Variants in RTL4 observed in about 807,000 individuals in gnomAD.
RTL4 encodes retrotransposon Gag-like protein 4.
A neutral mutation model predicts 5.3 loss-of-function variants in RTL4; 4 were observed. The observed-to-expected ratio is 0.75, with a 90% CI of 0.37 to 1.72. The LOEUF (loss-of-function observed/expected upper bound fraction) is 1.72, where lower values mean the gene tolerates loss of function less well. Ranked by LOEUF, RTL4 falls within the 40% of genes most tolerant of loss-of-function variation. The probability of loss-of-function intolerance (pLI) is 0.04; values close to 1 mark genes in which losing one functional copy is unlikely to be tolerated. For synonymous variants in RTL4, 98 were observed against 87.3 expected, an observed-to-expected ratio of 1.12 and a Z score of -0.68; for missense variants, 260 against 227.1, an observed-to-expected ratio of 1.14 and a Z score of -0.93.
the RTL4 span, among the ~76,000 whole-genome samples, chrX:112,143,122 C>A: frequency 9.0e-6 from 1 of 111,401 alleles, no homozygotes; most frequent in East Asian, 2.8e-4. Context: ...AGCCACCGCA[C>A]CCGGCCTGGA....
the RTL4 span, among the ~76,000 whole-genome samples, chrX:112,272,737 T>C: frequency 9.0e-6 from 1 of 111,503 alleles, no homozygotes; most frequent in Non-Finnish European, 1.9e-5. Context: ...GATATTAAGA[T>C]TTATACTTTT....
chrX:112,374,989 A>T, the RTL4 span, among the ~76,000 whole-genome samples: 1 of 111,845 alleles, frequency 8.9e-6, no homozygotes, highest in African/African-American at 3.2e-5. Context: ...TTATAATTTA[A>T]ATTTCAGATA....
At chrX:112,314,880 G>A in the RTL4 span, among the ~76,000 whole-genome samples, 24,088 of 110,489 alleles carry the variant, frequency 0.22, 2,081 homozygotes, top group Admixed American at 0.32. Flanking sequence ...AGGTGTCCCT[G>A]TTTTCTTCTG....
the RTL4 span, among the ~76,000 whole-genome samples, chrX:112,290,766 G>T: frequency 1.8e-5 from 2 of 112,078 alleles, no homozygotes; most frequent in Non-Finnish European, 3.8e-5. Flanking sequence ...CAATAGCTAT[G>T]AAAATAGTGA....
At chrX:112,393,147 C>CTTTTTTTTT in the RTL4 span, among the ~76,000 whole-genome samples, 2 of 81,460 alleles carry the variant, frequency 2.5e-5, no homozygotes, top group African/African-American at 5.1e-5. Flanking sequence ...TTCTTTCTTT[C>CTTTTTTTTT]TTTTTTTTTT....
the RTL4 span, among the ~76,000 whole-genome samples, chrX:112,369,070 C>A: frequency 8.9e-6 from 1 of 112,479 alleles, no homozygotes; most frequent in Non-Finnish European, 1.9e-5. Context: ...GGCCAGCATG[C>A]AATGTACCTA....
chrX:112,288,808 G>A, the RTL4 span, among the ~76,000 whole-genome samples: 1 of 111,425 alleles, frequency 9.0e-6, no homozygotes, highest in Non-Finnish European at 1.9e-5. Flanking sequence ...TAACTCTTAA[G>A]CTCTATTAGA....
chrX:112,380,497 T>C, the RTL4 span, among the ~76,000 whole-genome samples: 1 of 111,719 alleles, frequency 9.0e-6, no homozygotes, highest in Non-Finnish European at 1.9e-5. Context: ...AGTATTTCAT[T>C]ATAAGGAGGA....
chrX:112,150,598 C>T, the RTL4 span, among the ~76,000 whole-genome samples: 5 of 111,481 alleles, frequency 4.5e-5, no homozygotes, highest in African/African-American at 1.6e-4. Flanking sequence ...TTAAAATTTT[C>T]AGAGTAAAAA....
the RTL4 span, among the ~76,000 whole-genome samples, chrX:112,328,074 G>T: frequency 9.2e-6 from 1 of 108,482 alleles, no homozygotes; most frequent in Non-Finnish European, 1.9e-5. Flanking sequence ...AAAGACCATC[G>T]AGACTAGGAA....
the RTL4 span, among the ~76,000 whole-genome samples, chrX:112,117,396 C>T: frequency 2.8e-5 from 3 of 108,772 alleles, no homozygotes; most frequent in Admixed American, 2.0e-4. Flanking sequence ...ACCATATAAT[C>T]GTTATATGGT....
chrX:112,401,274 C>T, the RTL4 span, among the ~76,000 whole-genome samples: 23,518 of 109,796 alleles, frequency 0.21, 1,980 homozygotes, highest in Admixed American at 0.34. Context: ...ATTACCCTTC[C>T]TCCACTCACC....
chrX:112,173,787 C>G, the RTL4 span, among the ~76,000 whole-genome samples: 1 of 110,315 alleles, frequency 9.1e-6, no homozygotes, highest in African/African-American at 3.3e-5. Flanking sequence ...TGTTTTGATA[C>G]TTTATTGTAG....
At chrX:112,164,114 A>C in the RTL4 span, among the ~76,000 whole-genome samples, 1 of 111,835 alleles carries the variant, frequency 8.9e-6, no homozygotes, top group African/African-American at 3.3e-5. Flanking sequence ...GTCAATTAGT[A>C]CGTGGTAGAG....
the RTL4 span, among the ~76,000 whole-genome samples, chrX:112,308,852 C>T: frequency 9.0e-6 from 1 of 111,125 alleles, no homozygotes; most frequent in African/African-American, 3.3e-5. Flanking sequence ...TGTGGAAACA[C>T]AGAGGGGTTA....
chrX:112,281,215 C>G, the RTL4 span, among the ~76,000 whole-genome samples: 1 of 111,841 alleles, frequency 8.9e-6, no homozygotes, highest in African/African-American at 3.2e-5. Context: ...TTTTTAGATT[C>G]AACATATGAG....
At chrX:112,322,736 T>G in the RTL4 span, among the ~76,000 whole-genome samples, 5 of 111,788 alleles carry the variant, frequency 4.5e-5, no homozygotes, top group African/African-American at 1.3e-4. Flanking sequence ...TTCATGCTCA[T>G]ACATGTACAC....
chrX:112,287,032 T>G, the RTL4 span, among the ~76,000 whole-genome samples: 1 of 111,940 alleles, frequency 8.9e-6, no homozygotes, highest in East Asian at 2.8e-4. Flanking sequence ...ATTTGATTAT[T>G]TATTTAATAT....
the RTL4 span, among the ~76,000 whole-genome samples, chrX:112,427,028 C>T: frequency 9.0e-6 from 1 of 111,247 alleles, no homozygotes; most frequent in Non-Finnish European, 1.9e-5. Flanking sequence ...AGAAATTATA[C>T]CAATTCTCTA....
Sources: gnomAD v4.1 joint callset for allele counts (sites outside exome capture counted in the v4.1 genomes callset) on GRCh38, gnomAD v4.1.1 for gene constraint, MANE v1.5 for transcripts, NCBI Gene and HGNC (gene_info 2026-07-23, HGNC 2026-07-21) for gene names.